FOXRED2: variants seen among roughly 807,000 people sequenced by gnomAD.
FOXRED2 encodes FAD dependent oxidoreductase domain containing 2.
A neutral mutation model predicts 52.5 loss-of-function variants in FOXRED2; 32 were observed. That is an observed-to-expected ratio of 0.61 (90% CI 0.46 to 0.82). FOXRED2 has a LOEUF of 0.82. Among genes scored for constraint, FOXRED2 ranks in the 40% least tolerant of loss-of-function variants. The pLI, the probability that FOXRED2 is intolerant of heterozygous loss-of-function variation, is 0.00. For missense variants in FOXRED2, 848 were observed against 937.5 expected (o/e 0.90, Z 1.25); for synonymous variants, 405 against 398.1 (o/e 1.02, Z -0.21).
chr22:36,498,780 G>A (rs909023981), intron 5 of FOXRED2, among the ~76,000 whole-genome samples: 1 of 151,798 alleles, frequency 6.6e-6, no homozygotes, highest in African/African-American at 2.4e-5. Context: ...GTGCGATCTC[G>A]GCTCACCGCG....
In FOXRED2 at chr22:36,493,624, T is replaced by A; in HGVS notation, c.1795+9A>T. The A allele has an allele frequency of 6.2e-7, 1 of 1,612,338 alleles. No individual in the cohort carries two copies. Among genetic ancestry groups the A allele is most frequent in the Non-Finnish European group, 8.5e-7 (1 of 1,178,820 alleles). ...TCAGACCCTTTGTCTTTCTGGGAGC[T>A]TAAGTTACCTGCATAGAAGCTTCGC... On this transcript the variant is annotated intron_variant, in intron 8 of 8. Transcript: ENST00000397224.
chr22:36,491,851 A>G (rs993083250), intron 8 of FOXRED2, among the ~76,000 whole-genome samples: 2 of 152,194 alleles, frequency 1.3e-5, no homozygotes, highest in Non-Finnish European at 2.9e-5. Flanking sequence ...AGTACTTATA[A>G]GACTTTAAAC....
rs553832344 is a variant in FOXRED2, at chr22:36,506,262, C to T, written c.161G>A (p.Arg54His). The T allele has an allele frequency of 1.1e-5, 17 of 1,608,684 alleles. No homozygotes were observed. The South Asian group carries it at 1.7e-4, about 16-fold the overall frequency. ...QMAYFLQRAG[R>H]DYAVFERAPR... The stretch of plus-strand genomic sequence containing the variant: ...GGCCCGCTCGAACACTGCGTAGTCG[C>T]GTCCAGCGCGCTGCAGGAAGTAGGC... The change falls in exon 2 of 9, where the codon CGC (arginine) becomes CAC (histidine). Residue 54 changes from arginine to histidine, a missense_variant. Transcript: ENST00000397224.
chr22:36,490,313 G>T (rs565084051), intron 8 of FOXRED2, 46 bp from the exon 9 acceptor site: 10 of 1,537,244 alleles, frequency 6.5e-6, no homozygotes, highest in African/African-American at 2.7e-5. Flanking sequence ...TGGGACATGT[G>T]GGGAGGGGTG....
chr22:36,498,575 A>G (rs742144), intron 5 of FOXRED2, among the ~76,000 whole-genome samples: 110,043 of 152,036 alleles, frequency 0.72, 40,936 homozygotes, highest in Non-Finnish European at 0.8. Context: ...CGTCAAGTCC[A>G]ACACGGAGCC....
Position 36,505,723 on chromosome 22 carries a change from C to T in FOXRED2, c.527+173G>A, listed in dbSNP as rs1394044663. ...GAGGCGGAGGTTGCAGTGAGCTGACCTCGTGCCATTGCACTCCAGCCTGGG... is the reference window on the plus strand; with the variant it reads ...GAGGCGGAGGTTGCAGTGAGCTGACTTCGTGCCATTGCACTCCAGCCTGGG... On this transcript the variant is annotated intron_variant, in intron 2 of 8. Transcript: ENST00000397224. 3.3e-5 allele frequency among the ~76,000 whole-genome samples: 5 copies of T among 152,152 alleles called. No homozygotes were observed. In the South Asian group the frequency reaches 8.3e-4, roughly 25 times the overall value.
chr22:36,495,856 A>C, intron 7 of FOXRED2, 111 bp downstream of exon 7: 10 of 1,249,764 alleles, frequency 8.0e-6, no homozygotes, highest in Non-Finnish European at 1.1e-5. Flanking sequence ...TCCCGCAGCC[A>C]TCCCACCTGT....
rs1360666193 is a variant in FOXRED2 at position 36,487,593 on chromosome 22, T to C, written c.*2415A>G. 1.3e-5 allele frequency: 2 copies of C among 152,238 alleles called. No individual in the cohort carries two copies. Among genetic ancestry groups the C allele is most frequent in the African/African-American group, 4.8e-5 (2 of 41,456 alleles). 9.4% of individuals were successfully genotyped at this position (152,238 alleles called of 1,614,324 possible). On this transcript the variant is annotated 3_prime_UTR_variant, in exon 9 of 9. Coordinates refer to ENST00000397224, the MANE Select transcript of FOXRED2 (RefSeq NM_001102371.2). ...AGAACAGGTGAGCTGAACATACTGA[T>C]ACATTGGTTCTTTGGAGAGGATCTC...
chr22:36,494,171 C>G lies in FOXRED2; in HGVS notation c.1625-368G>C, dbSNP rs1003499286. ...TCGCTCTATTGCCCAGGCTGTCATG[C>G]AGTGGCACAATTTAGGCTCACCGCA... is the stretch of plus-strand genomic sequence containing the variant. On this transcript the variant is annotated intron_variant, in intron 7 of 8. Coordinates refer to ENST00000397224, the MANE Select transcript of FOXRED2 (RefSeq NM_001102371.2). Among the ~76,000 whole-genome samples the G allele has an allele frequency of 9.2e-5, 14 of 152,302 alleles. No homozygotes were observed. The East Asian group carries it at 2.7e-3, about 29-fold the overall frequency.
chr22:36,501,385 T>G lies in FOXRED2; in HGVS notation c.1072A>C (p.Asn358His), dbSNP rs772088914. 1 of 1,614,172 alleles carries G rather than the reference T, an allele frequency of 6.2e-7. No individual in the cohort carries two copies. Among genetic ancestry groups the G allele is most frequent in the Non-Finnish European group, 8.5e-7 (1 of 1,180,012 alleles). The stretch of plus-strand genomic sequence containing the variant: ...AGCGGGTACTTCTTGCCGAATGCAT[T>G]TCCCGAGTTAAGTCTGAGGGACCTG... ...FNKSLRLNSG[N>H]AFGKKYPLIR... The change falls in exon 5 of 9, where the codon AAT becomes CAT. Residue 358 changes from asparagine to histidine, a missense_variant. Coordinates refer to ENST00000397224, the MANE Select transcript of FOXRED2 (RefSeq NM_001102371.2).
rs779347247 is a variant in FOXRED2 at position 36,504,775 on chromosome 22, G to A, written c.528-9C>T. 21 of 1,613,056 alleles carry A rather than the reference G, an allele frequency of 1.3e-5. No individual in the cohort carries two copies. The highest frequency in any genetic ancestry group is 1.1e-4 in the South Asian group (10 of 91,042). ...TGGCTACAAAGAGGACGCTGCAGGC[G>A]GGGACAGAGGAAAGATGGCTTAGTC... is the stretch of plus-strand genomic sequence containing the variant. On this transcript the variant is annotated splice_polypyrimidine_tract_variant and intron_variant, in intron 2 of 8. Transcript: ENST00000397224.
rs1241439843 is a variant in FOXRED2, at chr22:36,487,661, AG to A, written c.*2346del. 6.6e-6 allele frequency: 1 copy of A among 152,238 alleles called. No homozygotes were observed. The highest frequency in any genetic ancestry group is 1.9e-4 in the East Asian group (1 of 5,206). 9.4% of individuals were successfully genotyped at this position (152,238 alleles called of 1,614,324 possible). On this transcript the variant is annotated 3_prime_UTR_variant, in exon 9 of 9. Coordinates refer to ENST00000397224, the MANE Select transcript of FOXRED2 (RefSeq NM_001102371.2). ...ACAAATTACAGGCTAAAACCTTTGA[AG>A]AAGAATTTATGATATCCTACATTAT...
chr22:36,506,010 A>G lies in FOXRED2; in HGVS notation c.413T>C (p.Leu138Pro), dbSNP rs779765284. Reference sequence around the variant, plus strand: ...GATGGTGGTGTTGTACTGGACACGGAGCCCCAGCGTGTCCGCGAAGTCACC... The same window carrying G: ...GATGGTGGTGTTGTACTGGACACGGGGCCCCAGCGTGTCCGCGAAGTCACC... ...YLGDFADTLG[L>P]RVQYNTTIAH... Residue 138 changes from leucine (L) to proline (P), a missense_variant, in exon 2 of 9, where the codon CTC (leucine) becomes CCC (proline). Transcript: ENST00000397224. The G allele has an allele frequency of 9.9e-6, 16 of 1,614,102 alleles. No individual in the cohort carries two copies. Among genetic ancestry groups the G allele is most frequent in the Non-Finnish European group, 1.4e-5 (16 of 1,180,050 alleles).
chr22:36,504,880 A>G, intron 2 of FOXRED2, 114 bp from the exon 3 acceptor site: 3 of 1,064,412 alleles, frequency 2.8e-6, no homozygotes, highest in Non-Finnish European at 4.1e-6. Flanking sequence ...GCCGGCCCCT[A>G]AAAGAAAATA....
In FOXRED2 at chr22:36,504,542, C is replaced by T; in HGVS notation, c.752G>A (p.Trp251Ter). Residue 251 changes from tryptophan (W) to a stop codon, truncating the protein, a stop_gained, in exon 3 of 9, where the codon TGG becomes TAG. Coordinates refer to ENST00000397224, the MANE Select transcript of FOXRED2 (RefSeq NM_001102371.2). LOFTEE classifies it high-confidence loss of function. ...MLSRSRVRLS[W>*]ATHYVGDLRA... ...GAGGTCTCCAACGTAGTGGGTGGCC[C>T]AGGACAGACGGACCCGGGAGCGGCT... is the stretch of plus-strand genomic sequence containing the variant. 1.2e-6 allele frequency: 2 copies of T among 1,614,108 alleles called. No individual in the cohort carries two copies. The highest frequency in any genetic ancestry group is 1.6e-4 in the Middle Eastern group (1 of 6,062).
chr22:36,505,697 A>C (rs1934171326), intron 2 of FOXRED2, among the ~76,000 whole-genome samples, 199 bp downstream of exon 2: 1 of 151,900 alleles, frequency 6.6e-6, no homozygotes, highest in Non-Finnish European at 1.5e-5. Context: ...CTTGAACTAG[A>C]GAGGCGGAGG....
At position 36,490,210 on chromosome 22, in the gene FOXRED2, C is replaced by T. The variant is rs1007366779; in HGVS notation, c.1853G>A (p.Gly618Glu). The T allele has an allele frequency of 6.2e-7, 1 of 1,613,688 alleles. No individual in the cohort carries two copies. ...CACGAGTCCCTGCATCCTCAGGTAC[C>T]CCTGCTGGCAAAAGGGTGGCAACTT... The part of the protein sequence containing the change: ...RQKLPPFCQQ[G>E]YLRMQGLVST... Residue 618 changes from glycine to glutamate, a missense_variant, in exon 9 of 9, where the codon GGG becomes GAG. By Grantham distance (98) the Gly-to-Glu change is moderately conservative. Coordinates refer to ENST00000397224, the MANE Select transcript of FOXRED2 (RefSeq NM_001102371.2).
chr22:36,494,265 C>T (rs1478720147), intron 7 of FOXRED2, among the ~76,000 whole-genome samples: 2 of 151,916 alleles, frequency 1.3e-5, no homozygotes, highest in African/African-American at 2.4e-5. Context: ...TACAGGTGCC[C>T]GCCACCACAC....
In FOXRED2 at chr22:36,506,195, G is replaced by A; in HGVS notation, c.228C>T (p.Arg76=). The A allele has an allele frequency of 6.2e-7, 1 of 1,614,184 alleles. No individual in the cohort carries two copies. The highest frequency in any genetic ancestry group is 8.5e-7 in the Non-Finnish European group (1 of 1,180,012). The change falls in exon 2 of 9, where the codon CGC becomes CGT. Residue 76 remains arginine, a synonymous_variant. Transcript: ENST00000397224. ...GSFFTRYPRH[R]KLISINKRYT... ...ACCGCTTGTTGATGCTGATGAGCTTGCGGTGCCGCGGGTAGCGTGTGAAGA... is the reference window on the plus strand; with the variant it reads ...ACCGCTTGTTGATGCTGATGAGCTTACGGTGCCGCGGGTAGCGTGTGAAGA...
Sources: gnomAD v4.1 joint callset for allele counts (sites outside exome capture counted in the v4.1 genomes callset) on GRCh38, gnomAD v4.1.1 for gene constraint, MANE v1.5 for transcripts, NCBI Gene and HGNC (gene_info 2026-07-23, HGNC 2026-07-21) for gene names.